The following GALNT9 variants were observed in gnomAD, a reference collection of about 807,000 sequenced individuals.
GALNT9 encodes the protein GalNAc transferase 9.
In GALNT9, 47 loss-of-function variants were observed where a neutral mutation model predicts 63.1. The ratio of observed to expected loss-of-function variants is 0.75; its 90% CI spans 0.59 to 0.95. The LOEUF (loss-of-function observed/expected upper bound fraction) is 0.95. Ranked by LOEUF, GALNT9 falls within the 40% of genes least tolerant of loss-of-function variation. The probability of loss-of-function intolerance (pLI) is 0.00; values close to 1 mark genes in which losing one functional copy is unlikely to be tolerated. For synonymous variants in GALNT9, 396 were observed against 365.7 expected (o/e 1.08, Z -0.94); for missense variants, 829 against 874.8 (o/e 0.95, Z 0.66).
chr12:132,197,923 CCAGCTG>C lies in GALNT9; in HGVS notation c.1528_1533del (p.Gln510_Leu511del). On this transcript the variant is annotated inframe_deletion, in exon 10 of 11. Coordinates refer to ENST00000328957, the MANE Select transcript of GALNT9 (RefSeq NM_001122636.2). ...AAGAAGGCTGTGGAGCCCAGAGGCC[CCAGCTG>C]CAGCAGTCCATCAGCGCTGTACCGC... is the stretch of plus-strand genomic sequence containing the variant. 6.2e-7 allele frequency: 1 copy of C among 1,611,864 alleles called. No individual in the cohort carries two copies. Among genetic ancestry groups the C allele is most frequent in the Non-Finnish European group, 8.5e-7 (1 of 1,179,522 alleles).
At chr12:132,243,265 C>T (rs1156382851) in intron 6 of GALNT9, among the ~76,000 whole-genome samples, 13 of 124,188 alleles carry the variant, frequency 1.0e-4, no homozygotes, top group African/African-American at 3.7e-4. Flanking sequence ...TCCCTATACC[C>T]ATTACACACA....
chr12:132,304,274 C>T (rs1555244262), intron 1 of GALNT9, among the ~76,000 whole-genome samples: 9 of 77,486 alleles, frequency 1.2e-4, no homozygotes, highest in Non-Finnish European at 1.5e-4. Context: ...GGCACACCCT[C>T]GCCCGGGCAC....
At position 132,245,049 on chromosome 12, in the gene GALNT9, C is replaced by T. The variant is rs1204478161; in HGVS notation, c.1077+2861G>A. ...GTCAGGGAGTGGAGTAAACGCTGGG[C>T]GCGGCCACAGCTGTGCCTTGTCAGG... On this transcript the variant is annotated intron_variant, in intron 6 of 10. Coordinates refer to ENST00000328957, the MANE Select transcript of GALNT9 (RefSeq NM_001122636.2). This position sits in a 1 kb window ranked among gnomAD's most constrained non-coding sequence, Gnocchi z 6.3. Among the ~76,000 whole-genome samples, 2 of 151,950 alleles carry T rather than the reference C, an allele frequency of 1.3e-5. No individual in the cohort carries two copies. Among genetic ancestry groups the T allele is most frequent in the East Asian group, 1.9e-4 (1 of 5,150 alleles).
rs1010330057 is a variant in GALNT9 at position 132,252,933 on chromosome 12, G to A, written c.959+4756C>T. On this transcript the variant is annotated intron_variant, in intron 5 of 10. Transcript: ENST00000328957. The surrounding 1 kb of genome is among the most constrained non-coding windows in gnomAD (Gnocchi z 5.2). Reference sequence around the variant, plus strand: ...GTAGTGGCCCCGAACGGCTGGGTGCGCTGATATTTATTGCATACAGGACGA... The same window carrying A: ...GTAGTGGCCCCGAACGGCTGGGTGCACTGATATTTATTGCATACAGGACGA... 6.6e-6 allele frequency among the ~76,000 whole-genome samples: 1 copy of A among 151,886 alleles called. No individual in the cohort carries two copies. Among genetic ancestry groups the A allele is most frequent in the Non-Finnish European group, 1.5e-5 (1 of 67,992 alleles).
rs963905616 is a variant in GALNT9 at position 132,271,314 on chromosome 12, G to A, written c.420-8689C>T. On this transcript the variant is annotated intron_variant, in intron 2 of 10. Transcript: ENST00000328957. Reference sequence around the variant, plus strand: ...AGGAGGAGACAGGAGAGAGGAGAACGCTGCCACGCCCCGCCCGGCTCCCAC... The same window carrying A: ...AGGAGGAGACAGGAGAGAGGAGAACACTGCCACGCCCCGCCCGGCTCCCAC... Among the ~76,000 whole-genome samples the A allele has an allele frequency of 5.3e-5, 8 of 152,158 alleles. No individual in the cohort carries two copies. The South Asian group carries it at 8.3e-4, about 16-fold the overall frequency.
At chr12:132,301,142 GC>G (rs1881280309) in intron 1 of GALNT9, among the ~76,000 whole-genome samples, 1 of 152,266 alleles carries the variant, frequency 6.6e-6, no homozygotes, top group South Asian at 2.1e-4. Flanking sequence ...GAGGCAGTGA[GC>G]CCCAGCCACA....
chr12:132,240,277 G>C (rs1555236783), intron 6 of GALNT9, among the ~76,000 whole-genome samples: 1 of 152,108 alleles, frequency 6.6e-6, no homozygotes, highest in East Asian at 1.9e-4. Context: ...CCATCGGGCT[G>C]GGGGTCACCG....
chr12:132,302,415 C>G (rs963869629), intron 1 of GALNT9, among the ~76,000 whole-genome samples: 3 of 152,216 alleles, frequency 2.0e-5, no homozygotes, highest in Non-Finnish European at 2.9e-5. Flanking sequence ...ATCACTACGT[C>G]TTGAGTATTT....
At chr12:132,200,036 T>C (rs1405873134) in intron 8 of GALNT9, among the ~76,000 whole-genome samples, 2 of 151,974 alleles carry the variant, frequency 1.3e-5, no homozygotes, top group East Asian at 3.9e-4. Flanking sequence ...ACTTGGCTAA[T>C]TGAGGATGGA....
chr12:132,271,366 C>T (rs1332066320), intron 2 of GALNT9, among the ~76,000 whole-genome samples: 1 of 152,166 alleles, frequency 6.6e-6, no homozygotes, highest in Non-Finnish European at 1.5e-5. Context: ...GCCGCTCCCA[C>T]CCGCACACCT....
chr12:132,210,879 G>A (rs969486976), intron 6 of GALNT9, among the ~76,000 whole-genome samples: 3 of 151,350 alleles, frequency 2.0e-5, no homozygotes, highest in Admixed American at 6.6e-5. Flanking sequence ...GGAGGTCGCC[G>A]TCTGGGTGGT....
At chr12:132,200,767 C>T (rs977749251) in intron 8 of GALNT9, 134 of 265,674 alleles carry the variant, frequency 5.0e-4, no homozygotes, top group African/African-American at 2.9e-3. Flanking sequence ...TACGTGAGAG[C>T]GTAGGTACAT....
intron 1 of GALNT9, among the ~76,000 whole-genome samples, chr12:132,304,687 C>A (rs369140075): frequency 1.9e-5 from 1 of 52,010 alleles, no homozygotes; most frequent in African/African-American, 7.5e-5. Flanking sequence ...CCGGGCACAC[C>A]CTCGCCCAGA....
At chr12:132,323,072 T>C (rs935415954) in intron 1 of GALNT9, among the ~76,000 whole-genome samples, 1 of 152,170 alleles carries the variant, frequency 6.6e-6, no homozygotes, top group African/African-American at 2.4e-5. Context: ...CAAGAGAAAA[T>C]GGGCTGCTGA....
chr12:132,292,567 C>T (rs1045720424), intron 1 of GALNT9, among the ~76,000 whole-genome samples: 2 of 152,240 alleles, frequency 1.3e-5, no homozygotes, highest in Non-Finnish European at 2.9e-5. Context: ...TGGGCCCAAA[C>T]CCCTGGCCCC....
intron 6 of GALNT9, chr12:132,240,404 G>A: frequency 5.7e-6 from 2 of 352,850 alleles, no homozygotes; most frequent in East Asian, 7.5e-5. Flanking sequence ...GGGACCCTTT[G>A]GCTTCCAGCC....
chr12:132,210,878 CGTCTGGGTGGTCGCT>C (rs887654025), intron 6 of GALNT9, among the ~76,000 whole-genome samples: 6 of 151,396 alleles, frequency 4.0e-5, no homozygotes, highest in Non-Finnish European at 5.9e-5. Context: ...TGGAGGTCGC[CGTCTGGGTGGTCGCT>C]GTCTGGAGGT....
chr12:132,263,233 G>C (rs1879471733), intron 2 of GALNT9, among the ~76,000 whole-genome samples: 1 of 152,206 alleles, frequency 6.6e-6, no homozygotes, highest in Non-Finnish European at 1.5e-5. Flanking sequence ...AAGGGACAAG[G>C]GCTGTGCGCC....
chr12:132,257,964 G>T, intron 4 of GALNT9, 78 bp from the exon 5 acceptor site: 1 of 983,878 alleles, frequency 1.0e-6, no homozygotes, highest in Non-Finnish European at 1.5e-6. Flanking sequence ...CCCACAGGGA[G>T]GGGAGGCCAG....
Sources: gnomAD v4.1 joint callset for allele counts (sites outside exome capture counted in the v4.1 genomes callset) on GRCh38, gnomAD v4.1.1 for gene constraint, Gnocchi (gnomAD v3.1) non-coding constraint, MANE v1.5 for transcripts, NCBI Gene and HGNC (gene_info 2026-07-23, HGNC 2026-07-21) for gene names.